The following SLFN12 variants were observed in gnomAD, a reference collection of about 807,000 sequenced individuals.
SLFN12 encodes the protein schlafen family member 12.
A neutral mutation model predicts 29.1 loss-of-function variants in SLFN12; 25 were observed. The observed-to-expected ratio is 0.86, with a 90% CI of 0.63 to 1.20. The LOEUF is 1.20. Among genes scored for constraint, SLFN12 ranks in the 50% most tolerant of loss-of-function variants. The pLI is 0.00. For missense variants in SLFN12, 660 were observed against 666.2 expected, an observed-to-expected ratio of 0.99 and a Z score of 0.10; for synonymous variants, 257 against 238.7, an observed-to-expected ratio of 1.08 and a Z score of -0.71.
At chr17:35,415,367 C>T (rs1911255293) in intron 3 of SLFN12, among the ~76,000 whole-genome samples, 3 of 151,996 alleles carry the variant, frequency 2.0e-5, no homozygotes, top group African/African-American at 7.2e-5. Flanking sequence ...ACCAACCCAA[C>T]AGGAATCAAA....
intron 1 of SLFN12, among the ~76,000 whole-genome samples, chr17:35,425,625 A>C (rs1235842435): frequency 6.6e-6 from 1 of 151,864 alleles, no homozygotes; most frequent in Non-Finnish European, 1.5e-5. Flanking sequence ...GCTAATTAGT[A>C]TTTTATTATC....
intron 3 of SLFN12, 46 bp downstream of exon 3, chr17:35,420,228 G>A (rs772921548): frequency 7.4e-7 from 1 of 1,359,246 alleles, no homozygotes; most frequent in Non-Finnish European, 1.1e-6. Flanking sequence ...AAAGAGGTTT[G>A]ACTACAGTCA....
upstream of SLFN12, chr17:35,432,802 T>G (rs1455333287): frequency 6.6e-6 from 1 of 152,006 alleles, no homozygotes; most frequent in South Asian, 2.1e-4. Context: ...CCGGGAGTGG[T>G]GGGGTTGTGT....
intron 3 of SLFN12, among the ~76,000 whole-genome samples, chr17:35,416,667 A>T (rs1369859029): frequency 6.6e-6 from 1 of 152,196 alleles, no homozygotes; most frequent in African/African-American, 2.4e-5. Context: ...ACTAATACTG[A>T]GATGCCAGCT....
chr17:35,428,409 G>A (rs1912129095), intron 1 of SLFN12, among the ~76,000 whole-genome samples: 1 of 151,940 alleles, frequency 6.6e-6, no homozygotes, highest in African/African-American at 2.4e-5. Context: ...AAGAGGATGT[G>A]GTCTAAAAGC....
At position 35,422,667 on chromosome 17, in the gene SLFN12, G is replaced by C. The variant is rs778281888; in HGVS notation, c.362C>G (p.Thr121Ser). The change falls in exon 2 of 4, where the codon ACC (threonine) becomes AGC (serine). Residue 121 changes from threonine to serine, a missense_variant. Physicochemically the swap from Thr to Ser is moderately conservative, Grantham distance 58. Coordinates refer to ENST00000304905, the MANE Select transcript of SLFN12 (RefSeq NM_018042.5). ...TCTTTTGTACAAATTGGAGCTCAAG[G>C]TGGTAATCCGCAGACCAGAGGTGTT... is the stretch of plus-strand genomic sequence containing the variant. ...SLNTSGLRIT[T>S]LSSNLYKRDI... is the part of the protein sequence containing the mutation. 1.9e-6 allele frequency: 3 copies of C among 1,613,964 alleles called. No homozygotes were observed. The Admixed American group carries it at 5.0e-5, about 27-fold the overall frequency.
chr17:35,417,118 T>C (rs1911361907), intron 3 of SLFN12, among the ~76,000 whole-genome samples: 1 of 152,134 alleles, frequency 6.6e-6, no homozygotes, highest in African/African-American at 2.4e-5. Flanking sequence ...AAACTATTCT[T>C]AGACCTTGTC....
intron 3 of SLFN12, among the ~76,000 whole-genome samples, chr17:35,412,731 A>G (rs755693760): frequency 6.6e-6 from 1 of 152,090 alleles, no homozygotes; most frequent in Non-Finnish European, 1.5e-5. Context: ...AATCAGAATG[A>G]ATTACTAGAA....
At chr17:35,432,065 T>C (rs1351860441) in intron 1 of SLFN12, 123 bp downstream of exon 1, 17 of 152,064 alleles carry the variant, frequency 1.1e-4, no homozygotes, top group Admixed American at 1.1e-3. Context: ...GTCGCCTCCG[T>C]GTCTAGGCGC....
intron 1 of SLFN12, among the ~76,000 whole-genome samples, chr17:35,429,296 G>A (rs772293): frequency 0.41 from 62,831 of 151,724 alleles, 14,181 homozygotes; most frequent in Non-Finnish European, 0.49. Flanking sequence ...AGGACCCAGC[G>A]CTTGTGAACT....
chr17:35,421,039 C>A (rs889601520), intron 2 of SLFN12, among the ~76,000 whole-genome samples: 2 of 151,732 alleles, frequency 1.3e-5, no homozygotes, highest in Admixed American at 6.6e-5. Context: ...GAAACTCCGT[C>A]TCTACTAAAA....
intron 3 of SLFN12, among the ~76,000 whole-genome samples, chr17:35,418,752 G>A (rs1911460494): frequency 6.6e-6 from 1 of 152,120 alleles, no homozygotes; most frequent in South Asian, 2.1e-4. Flanking sequence ...CATGGTGAAA[G>A]TGAGACTTTT....
chr17:35,411,670 A>G lies in SLFN12; in HGVS notation c.1405T>C (p.Tyr469His). The G allele has an allele frequency of 6.2e-7, 1 of 1,614,024 alleles. No homozygotes were observed. The highest frequency in any genetic ancestry group is 8.5e-7 in the Non-Finnish European group (1 of 1,179,984). ...AAGGTTAGGGCAGTTTGTGTAGAAT[A>G]GCCTTTAAACTCCTCATCCTGTACC... ...HMVQDEEFKG[Y>H]STQTALTLKQ... Residue 469 changes from tyrosine (Y) to histidine (H), a missense_variant, in exon 4 of 4, where the codon TAT becomes CAT. Tyr to His is a moderately conservative substitution (Grantham distance 83, BLOSUM62 2). Transcript: ENST00000304905.
chr17:35,428,373 A>G lies in SLFN12; in HGVS notation c.-41+3815T>C, dbSNP rs144266010. ...GAAAGCATCTTAGTGGGGATTACAG[A>G]ACTTTGGCCTGTACCTTTTGCGGGG... On this transcript the variant is annotated intron_variant, in intron 1 of 3. Coordinates refer to ENST00000304905, the MANE Select transcript of SLFN12 (RefSeq NM_018042.5). Among the ~76,000 whole-genome samples the G allele has an allele frequency of 9.2e-3, 1,405 of 152,170 alleles. 21 individuals are homozygous for G. The highest frequency in any genetic ancestry group is 0.041 in the South Asian group (200 of 4,826).
At chr17:35,427,001 A>G (rs1912054876) in intron 1 of SLFN12, among the ~76,000 whole-genome samples, 1 of 152,122 alleles carries the variant, frequency 6.6e-6, no homozygotes, top group African/African-American at 2.4e-5. Flanking sequence ...TTTCCTGAGC[A>G]GTGGCTGTCA....
chr17:35,429,867 C>A (rs1268772110), intron 1 of SLFN12, among the ~76,000 whole-genome samples: 1 of 151,924 alleles, frequency 6.6e-6, no homozygotes, highest in Admixed American at 6.6e-5. Context: ...AGTGCCTGGT[C>A]GCATTTCACC....
intron 3 of SLFN12, among the ~76,000 whole-genome samples, chr17:35,416,310 C>T (rs560883458): frequency 6.6e-6 from 1 of 152,096 alleles, no homozygotes; most frequent in South Asian, 2.1e-4. Flanking sequence ...CATGAGGACA[C>T]AAAGACTAAG....
rs777118383 is a variant in SLFN12 at position 35,422,199 on chromosome 17, C to A, written c.830G>T (p.Cys277Phe). ...ATAATTTATCTTCTTCTTCTCCATACAGAAGTGATGCACAGGCATCTTCCT... is the reference window on the plus strand; with the variant it reads ...ATAATTTATCTTCTTCTTCTCCATAAAGAAGTGATGCACAGGCATCTTCCT... ...SIRKMPVHHF[C>F]MEKKKINYSC... The change falls in exon 2 of 4, where the codon TGT becomes TTT. Residue 277 changes from cysteine to phenylalanine, a missense_variant. Physicochemically the swap from Cys to Phe is radical, Grantham distance 205 (BLOSUM62 -2). Coordinates refer to ENST00000304905, the MANE Select transcript of SLFN12 (RefSeq NM_018042.5). 13 of 1,614,132 alleles carry A rather than the reference C, an allele frequency of 8.1e-6. No individual in the cohort carries two copies. The Admixed American group carries it at 2.2e-4, about 27-fold the overall frequency.
At chr17:35,421,852 T>A in intron 2 of SLFN12, 138 bp downstream of exon 2, 1 of 1,231,898 alleles carries the variant, frequency 8.1e-7, no homozygotes. Context: ...GGCAGGGAAC[T>A]ATTGATTGTA....
Sources: gnomAD v4.1 joint callset for allele counts (sites outside exome capture counted in the v4.1 genomes callset) on GRCh38, gnomAD v4.1.1 for gene constraint, MANE v1.5 for transcripts, NCBI Gene and HGNC (gene_info 2026-07-23, HGNC 2026-07-21) for gene names.